VAT1L: variants seen among roughly 807,000 people sequenced by gnomAD.
VAT1L encodes vesicle amine transport 1 like, also known as putative NADPH-dependent quinone oxidoreductase VAT1L.
In VAT1L, 34 loss-of-function variants were observed where a neutral mutation model predicts 44.1. That is an observed-to-expected ratio of 0.77 (90% CI 0.59 to 1.03). VAT1L has a LOEUF of 1.03. Ranked by LOEUF, VAT1L falls within the 50% of genes least tolerant of loss-of-function variation. The probability of loss-of-function intolerance (pLI) is 0.00; values close to 1 mark genes in which losing one functional copy is unlikely to be tolerated. For missense variants in VAT1L, 615 were observed against 538.8 expected (o/e 1.14, Z -1.40); for synonymous variants, 253 against 202.2 (o/e 1.25, Z -2.13).
intron 4 of VAT1L, among the ~76,000 whole-genome samples, chr16:77,873,601 G>C (rs370573126): frequency 7.2e-5 from 11 of 152,258 alleles, no homozygotes; most frequent in African/African-American, 2.6e-4. Flanking sequence ...GGTCCAAGGG[G>C]CTTAAATTTT....
At chr16:77,939,919 C>T (rs1049120684) in intron 7 of VAT1L, among the ~76,000 whole-genome samples, 2 of 152,092 alleles carry the variant, frequency 1.3e-5, no homozygotes, top group African/African-American at 4.8e-5. Context: ...ATACAATGAT[C>T]AATTACAGCA....
chr16:77,940,142 C>G (rs568305040), intron 7 of VAT1L, among the ~76,000 whole-genome samples: 1 of 152,200 alleles, frequency 6.6e-6, no homozygotes, highest in African/African-American at 2.4e-5. Context: ...CAGTGATACG[C>G]TAGTGAATGT....
chr16:77,795,824 T>C (rs1348781179), intron 1 of VAT1L, among the ~76,000 whole-genome samples: 8 of 140,254 alleles, frequency 5.7e-5, no homozygotes, highest in African/African-American at 2.3e-4. Context: ...TTTTTTTTTT[T>C]TTTTTTTTTT....
At chr16:77,809,122 G>A (rs981288735) in intron 1 of VAT1L, among the ~76,000 whole-genome samples, 6 of 152,272 alleles carry the variant, frequency 3.9e-5, no homozygotes, top group African/African-American at 1.2e-4. Context: ...ACTTGCTTTC[G>A]CAAGTAATGT....
intron 1 of VAT1L, among the ~76,000 whole-genome samples, chr16:77,806,948 C>T (rs955987647): frequency 2.4e-4 from 36 of 152,240 alleles, no homozygotes; most frequent in African/African-American, 8.4e-4. Flanking sequence ...GCAAGAGGCA[C>T]GCCCATTCCT....
At chr16:77,916,217 C>G (rs560070420) in intron 7 of VAT1L, among the ~76,000 whole-genome samples, 2 of 152,104 alleles carry the variant, frequency 1.3e-5, no homozygotes, top group African/African-American at 4.8e-5. Flanking sequence ...GTTTGGGTTT[C>G]GTGCACTCAA....
chr16:77,807,239 G>T (rs990939204), intron 1 of VAT1L, among the ~76,000 whole-genome samples: 1 of 152,106 alleles, frequency 6.6e-6, no homozygotes, highest in Non-Finnish European at 1.5e-5. Context: ...CACCCCTAAA[G>T]CATCCTTTTA....
intron 4 of VAT1L, among the ~76,000 whole-genome samples, chr16:77,864,745 G>T (rs2016953664): frequency 6.6e-6 from 1 of 152,082 alleles, no homozygotes; most frequent in Admixed American, 6.5e-5. Flanking sequence ...AAAAGGAGGG[G>T]GTTCTGATGG....
intron 2 of VAT1L, among the ~76,000 whole-genome samples, chr16:77,823,285 T>G (rs921981880): frequency 5.9e-5 from 9 of 152,258 alleles, no homozygotes; most frequent in Admixed American, 4.6e-4. Context: ...CATCATAGTT[T>G]CATGCTTTTG....
At chr16:77,840,078 G>C (rs2016689241) in intron 3 of VAT1L, among the ~76,000 whole-genome samples, 1 of 152,112 alleles carries the variant, frequency 6.6e-6, no homozygotes, top group Non-Finnish European at 1.5e-5. Flanking sequence ...CCCCTCCTAA[G>C]GTTGCTGTGA....
At chr16:77,880,674 A>G (rs1467198922) in intron 6 of VAT1L, among the ~76,000 whole-genome samples, 1 of 124,536 alleles carries the variant, frequency 8.0e-6, no homozygotes, top group African/African-American at 3.2e-5. Context: ...CGGGTATTGT[A>G]TGATGCTGAA....
At chr16:77,912,546 A>G (rs1037260697) in intron 7 of VAT1L, among the ~76,000 whole-genome samples, 2 of 152,136 alleles carry the variant, frequency 1.3e-5, no homozygotes, top group East Asian at 1.9e-4. Flanking sequence ...GCCTCCCAAA[A>G]TCTACTTTAT....
In VAT1L at chr16:77,825,286, G is replaced by A; in HGVS notation, c.404G>A (p.Trp135Ter). ...RVMAFVNYNA[W>*]AEVVCTPVEF... ...ATGGCATTTGTCAATTACAATGCCT[G>A]GGCAGAGGTGGTCTGCACACCAGTG... is the stretch of plus-strand genomic sequence containing the variant. The change falls in exon 3 of 9, where the codon TGG becomes TAG. Residue 135 changes from tryptophan (W) to a stop codon, truncating the protein, a stop_gained. Transcript: ENST00000302536. LOFTEE classifies it high-confidence loss of function. 1 of 1,614,162 alleles carries A rather than the reference G, an allele frequency of 6.2e-7. No individual in the cohort carries two copies. The highest frequency in any genetic ancestry group is 1.1e-5 in the South Asian group (1 of 91,072).
chr16:77,868,091 G>A (rs2016994216), intron 4 of VAT1L, among the ~76,000 whole-genome samples: 1 of 152,088 alleles, frequency 6.6e-6, no homozygotes, highest in Non-Finnish European at 1.5e-5. Flanking sequence ...GCTTAGCTTA[G>A]CCTACCCTAA....
rs2017120437 is a variant in VAT1L, at chr16:77,879,074, A to G, written c.827-95A>G. 1.6e-6 allele frequency: 2 copies of G among 1,264,172 alleles called. No homozygotes were observed. The highest frequency in any genetic ancestry group is 2.3e-6 in the Non-Finnish European group (2 of 875,184). The allele number at this position is 1,264,172 out of a possible 1,614,324, so 78.3% of individuals were successfully genotyped here. ...TTAAATTTGTTTTCAAGATTTCTCC[A>G]GTTCCGGACCAAACAATTGCCATTT... On this transcript the variant is annotated intron_variant, in intron 5 of 8. Coordinates refer to ENST00000302536, the MANE Select transcript of VAT1L (RefSeq NM_020927.3). This position sits in a 1 kb window ranked among gnomAD's most constrained non-coding sequence, Gnocchi z 4.1.
At chr16:77,869,865 C>T (rs930890092) in intron 4 of VAT1L, among the ~76,000 whole-genome samples, 24 of 152,142 alleles carry the variant, frequency 1.6e-4, no homozygotes, top group East Asian at 1.3e-3. Flanking sequence ...CTGCTTCACC[C>T]GATAGCAGTC....
chr16:77,856,595 C>T (rs1202088591), intron 3 of VAT1L, among the ~76,000 whole-genome samples: 1 of 152,146 alleles, frequency 6.6e-6, no homozygotes, highest in African/African-American at 2.4e-5. Flanking sequence ...CGATCAGGGT[C>T]ATATATTTCA....
intron 7 of VAT1L, among the ~76,000 whole-genome samples, chr16:77,968,344 A>G (rs2018244677): frequency 6.6e-6 from 1 of 152,216 alleles, no homozygotes; most frequent in Non-Finnish European, 1.5e-5. Flanking sequence ...TGGTGAAACA[A>G]TAGCTATGCC....
At chr16:77,909,998 T>C (rs2017481759) in intron 7 of VAT1L, among the ~76,000 whole-genome samples, 1 of 152,196 alleles carries the variant, frequency 6.6e-6, no homozygotes, top group Non-Finnish European at 1.5e-5. Context: ...ACAGCCAAAT[T>C]GCTAGAGAGG....
Sources: gnomAD v4.1 joint callset for allele counts (sites outside exome capture counted in the v4.1 genomes callset) on GRCh38, gnomAD v4.1.1 for gene constraint, Gnocchi (gnomAD v3.1) non-coding constraint, MANE v1.5 for transcripts, NCBI Gene and HGNC (gene_info 2026-07-23, HGNC 2026-07-21) for gene names.